Variants in PRKD3 observed in about 807,000 individuals in gnomAD.
The protein encoded by PRKD3 is serine/threonine-protein kinase D3.
PRKD3 carries 47 observed loss-of-function variants against 99.2 expected under a neutral mutation model. That is an observed-to-expected ratio of 0.47 (90% confidence interval 0.38 to 0.60). The LOEUF (loss-of-function observed/expected upper bound fraction) is 0.60. Among genes scored for constraint, PRKD3 ranks in the 20% least tolerant of loss-of-function variants. PRKD3 has a pLI of 0.00. For synonymous variants in PRKD3, 392 were observed against 355.4 expected (o/e 1.10, Z -1.16); for missense variants, 1,019 against 1,088.4 (o/e 0.94, Z 0.90).
chr2:37,289,566 T>C, intron 4 of PRKD3, 53 bp from the exon 5 acceptor site: 3 of 1,397,720 alleles, frequency 2.1e-6, no homozygotes, highest in Non-Finnish European at 2.9e-6. Context: ...ATTTACTATT[T>C]AAGTGTGATA....
intron 2 of PRKD3, among the ~76,000 whole-genome samples, chr2:37,299,026 G>C: frequency 1.4e-5 from 1 of 70,876 alleles, no homozygotes; most frequent in South Asian, 3.7e-4. Context: ...AAGGCTTTCA[G>C]TTTTTTCCCA....
chr2:37,281,875 A>T (rs757823292), intron 7 of PRKD3, among the ~76,000 whole-genome samples: 31 of 152,196 alleles, frequency 2.0e-4, no homozygotes, highest in Admixed American at 3.9e-4. Context: ...GAAAGTCTAG[A>T]GTCCTTACTG....
chr2:37,324,522 T>TCGCCGC (rs1321626217), intron 1 of PRKD3, among the ~76,000 whole-genome samples, 159 bp downstream of exon 1: 7 of 126,060 alleles, frequency 5.6e-5, no homozygotes, highest in Non-Finnish European at 1.1e-4. Context: ...CCGAGTCCTG[T>TCGCCGC]CGCCGCCGCC....
intron 5 of PRKD3, among the ~76,000 whole-genome samples, chr2:37,287,543 G>C (rs1670180217): frequency 6.6e-6 from 1 of 152,118 alleles, no homozygotes; most frequent in Non-Finnish European, 1.5e-5. Flanking sequence ...AAGATCTCAG[G>C]ACATCAGTTC....
At chr2:37,305,112 A>C (rs1056865984) in intron 2 of PRKD3, among the ~76,000 whole-genome samples, 4 of 152,230 alleles carry the variant, frequency 2.6e-5, no homozygotes, top group Non-Finnish European at 5.9e-5. Context: ...ATAGAAAAAA[A>C]AACAACATAG....
chr2:37,286,822 A>G (rs1010185414), intron 5 of PRKD3, among the ~76,000 whole-genome samples: 8 of 152,238 alleles, frequency 5.3e-5, no homozygotes, highest in African/African-American at 1.9e-4. Context: ...ATAATGATAA[A>G]CAATGGCAGA....
rs1350453609 is a variant in PRKD3 at position 37,290,915 on chromosome 2, C to G, written c.512G>C (p.Cys171Ser). 1 of 1,603,544 alleles carries G rather than the reference C, an allele frequency of 6.2e-7. No individual in the cohort carries two copies. Among genetic ancestry groups the G allele is most frequent in the Non-Finnish European group, 8.5e-7 (1 of 1,170,364 alleles). Reference protein sequence around the residue: ...SYKAPTFCDYCGEMLWGLVRQ... With the variant: ...SYKAPTFCDYSGEMLWGLVRQ... ...TACCAATCCCCAGAGCATCTCACCA[C>G]AGTAATCACAGAAAGTAGGAGCTTT... Residue 171 changes from cysteine to serine, a missense_variant, in exon 4 of 19, where the codon TGT (cysteine) becomes TCT (serine). By Grantham distance (112) the Cys-to-Ser change is moderately radical. Around this residue, in one of 3 missense-constraint regions of PRKD3, gnomAD observed 710 missense variants for 692.7 expected, o/e 1.02. Coordinates refer to ENST00000234179, the MANE Select transcript of PRKD3 (RefSeq NM_005813.6).
intron 14 of PRKD3, among the ~76,000 whole-genome samples, chr2:37,266,856 A>G (rs1668878808): frequency 6.6e-6 from 1 of 152,214 alleles, no homozygotes; most frequent in Non-Finnish European, 1.5e-5. Context: ...ACATTTGCAT[A>G]TTATAAATTA....
chr2:37,257,644 C>T (rs1572607090), intron 16 of PRKD3, among the ~76,000 whole-genome samples: 4 of 120,814 alleles, frequency 3.3e-5, no homozygotes, highest in Non-Finnish European at 6.4e-5. Context: ...CCAGCCTGGG[C>T]GACAGAGTGA....
intron 3 of PRKD3, 84 bp downstream of exon 3, chr2:37,293,049 A>G: frequency 7.6e-7 from 1 of 1,317,982 alleles, no homozygotes; most frequent in Admixed American, 2.2e-5. Flanking sequence ...CAAAGACTAA[A>G]TATAATCGAA....
intron 5 of PRKD3, among the ~76,000 whole-genome samples, chr2:37,287,217 C>T (rs1348118191): frequency 6.8e-5 from 6 of 87,834 alleles, no homozygotes; most frequent in East Asian, 3.6e-4. Context: ...GCAACAAGAG[C>T]GAAACTCCAT....
intron 5 of PRKD3, among the ~76,000 whole-genome samples, chr2:37,286,785 T>C (rs892718431): frequency 3.3e-5 from 5 of 152,232 alleles, no homozygotes; most frequent in Non-Finnish European, 4.4e-5. Context: ...AATACTAAAA[T>C]ATATACATAC....
intron 1 of PRKD3, 35 bp from the exon 2 acceptor site, chr2:37,317,214 T>C (rs1558584360): frequency 1.2e-6 from 1 of 816,314 alleles, no homozygotes; most frequent in Non-Finnish European, 1.5e-6. Context: ...TTTAATACTT[T>C]ATATTCATTC....
intron 12 of PRKD3, 23 bp downstream of exon 12, chr2:37,272,357 C>T (rs1258085093): frequency 1.4e-5 from 22 of 1,598,374 alleles, no homozygotes; most frequent in Non-Finnish European, 1.7e-5. Context: ...CCAGTTTACA[C>T]ATTAGCTATA....
intron 2 of PRKD3, among the ~76,000 whole-genome samples, chr2:37,295,175 G>A (rs1208334686): frequency 1.3e-5 from 2 of 152,088 alleles, no homozygotes; most frequent in African/African-American, 4.8e-5. Context: ...GCAAGATACT[G>A]GCCCCACAGT....
At chr2:37,272,264 G>A (rs894115251) in intron 12 of PRKD3, 116 bp downstream of exon 12, 15 of 1,456,634 alleles carry the variant, frequency 1.0e-5, no homozygotes, top group Middle Eastern at 3.5e-4. Context: ...GTTACCAACC[G>A]CAAAGTCTAG....
chr2:37,268,528 T>C (rs983835084), intron 13 of PRKD3: 1 of 345,142 alleles, frequency 2.9e-6, no homozygotes, highest in Non-Finnish European at 5.6e-6. Flanking sequence ...AAGACAATAA[T>C]GTAAACCCAA....
At chr2:37,320,051 G>T (rs1303150384) in intron 1 of PRKD3, among the ~76,000 whole-genome samples, 3 of 152,174 alleles carry the variant, frequency 2.0e-5, no homozygotes, top group African/African-American at 4.8e-5. Flanking sequence ...TTAGTTGAAG[G>T]AATTAACAAC....
chr2:37,252,172 T>C lies in PRKD3; in HGVS notation c.*1005A>G, dbSNP rs1460164883. 1 of 152,004 alleles carries C rather than the reference T, an allele frequency of 6.6e-6. No homozygotes were observed. Among genetic ancestry groups the C allele is most frequent in the Non-Finnish European group, 1.5e-5 (1 of 68,012 alleles). The allele number at this position is 152,004 out of a possible 1,614,324, so 9.4% of individuals were successfully genotyped here. On this transcript the variant is annotated 3_prime_UTR_variant, in exon 19 of 19. Transcript: ENST00000234179. ...CACTCCAGATATCTGCAAAGCCCAA[T>C]AGGCTAGGGGAAGGAGAAAAAAGGA...
Sources: gnomAD v4.1 joint callset for allele counts (sites outside exome capture counted in the v4.1 genomes callset) on GRCh38, gnomAD v4.1.1 for gene constraint, gnomAD v4.1.1 regional missense constraint, MANE v1.5 for transcripts, NCBI Gene and HGNC (gene_info 2026-07-23, HGNC 2026-07-21) for gene names.